SGMS2: variants seen among roughly 807,000 people sequenced by gnomAD.
The protein encoded by SGMS2 is phosphatidylcholine:ceramide cholinephosphotransferase 2.
A neutral mutation model predicts 43.8 loss-of-function variants in SGMS2; 21 were observed. The observed-to-expected ratio is 0.48, with a 90% CI of 0.34 to 0.69. The LOEUF is 0.69. Ranked by LOEUF, SGMS2 falls within the 30% of genes least tolerant of loss-of-function variation. SGMS2 has a pLI of 0.01. For missense variants in SGMS2, 384 were observed against 443.2 expected (o/e 0.87, Z 1.20); for synonymous variants, 167 against 160.6 (o/e 1.04, Z -0.30).
At chr4:107,873,991 T>G (rs1366566580) in intron 2 of SGMS2, 1 of 152,206 alleles carries the variant, frequency 6.6e-6, no homozygotes, top group Non-Finnish European at 1.5e-5. Context: ...CTTGTTCAGC[T>G]ATTCCTTTTC....
chr4:107,847,605 T>G (rs1323096702), intron 1 of SGMS2, among the ~76,000 whole-genome samples: 1 of 152,162 alleles, frequency 6.6e-6, no homozygotes, highest in African/African-American at 2.4e-5. Context: ...GGGCTGTTTT[T>G]TGGTTCCATA....
chr4:107,897,114 G>A (rs188980579), intron 3 of SGMS2, among the ~76,000 whole-genome samples: 36 of 152,174 alleles, frequency 2.4e-4, no homozygotes, highest in Admixed American at 2.2e-3. Flanking sequence ...CTCTCAATGT[G>A]GTATATCCAC....
At chr4:107,857,773 A>T (rs1727506112) in intron 1 of SGMS2, among the ~76,000 whole-genome samples, 1 of 152,234 alleles carries the variant, frequency 6.6e-6, no homozygotes, top group Non-Finnish European at 1.5e-5. Context: ...GTGACAGATT[A>T]TGCACAGCAC....
At chr4:107,834,895 T>G (rs1041757729) in intron 1 of SGMS2, among the ~76,000 whole-genome samples, 2 of 152,078 alleles carry the variant, frequency 1.3e-5, no homozygotes, top group African/African-American at 2.4e-5. Context: ...ATTAGCCAGG[T>G]GTAGTGGCAC....
chr4:107,908,544 T>C, intron 5 of SGMS2, 21 bp from the exon 6 acceptor site: 1 of 1,606,356 alleles, frequency 6.2e-7, no homozygotes, highest in Non-Finnish European at 8.5e-7. Context: ...TTATTAACTC[T>C]GTAATTTTTC....
At chr4:107,881,381 G>A (rs1316157147) in intron 2 of SGMS2, among the ~76,000 whole-genome samples, 4 of 152,104 alleles carry the variant, frequency 2.6e-5, no homozygotes, top group African/African-American at 9.7e-5. Context: ...AGGCTCCTGA[G>A]GTCAGATTCC....
At chr4:107,903,454 A>T (rs1731293843) in intron 5 of SGMS2, 68 bp downstream of exon 5, 1 of 1,455,866 alleles carries the variant, frequency 6.9e-7, no homozygotes, top group African/African-American at 1.4e-5. Context: ...CCTGAAATTG[A>T]TAGGAGCCCT....
chr4:107,852,046 A>G (rs1727177629), intron 1 of SGMS2, among the ~76,000 whole-genome samples: 1 of 151,886 alleles, frequency 6.6e-6, no homozygotes, highest in African/African-American at 2.4e-5. Flanking sequence ...GCATAATGAT[A>G]TGAAACAATG....
chr4:107,897,700 A>C lies in SGMS2; in HGVS notation c.455+1692A>C, dbSNP rs138920681. Among the ~76,000 whole-genome samples, 359 of 152,288 alleles carry C rather than the reference A, an allele frequency of 2.4e-3. 4 individuals carry two copies. Among genetic ancestry groups the C allele is most frequent in the African/African-American group, 8.2e-3 (341 of 41,574 alleles). Reference sequence around the variant, plus strand: ...CACACGGTCACATAGCCAGACCATAAATTTTAATGATATCCACTGTTTCAG... The same window carrying C: ...CACACGGTCACATAGCCAGACCATACATTTTAATGATATCCACTGTTTCAG... On this transcript the variant is annotated intron_variant, in intron 3 of 6. Transcript: ENST00000690982.
intron 2 of SGMS2, chr4:107,864,571 G>A (rs1360223176): frequency 6.6e-6 from 1 of 152,106 alleles, no homozygotes; most frequent in African/African-American, 2.4e-5. Flanking sequence ...AGTACATGAC[G>A]TTTTATTCAA....
chr4:107,892,467 C>G (rs1369274816), intron 2 of SGMS2, among the ~76,000 whole-genome samples: 3 of 152,012 alleles, frequency 2.0e-5, no homozygotes, highest in Admixed American at 6.6e-5. Flanking sequence ...AATGTGAACC[C>G]TGAAAATCTG....
chr4:107,846,945 CT>C (rs1430788135), intron 1 of SGMS2, among the ~76,000 whole-genome samples: 1 of 152,088 alleles, frequency 6.6e-6, no homozygotes, highest in Admixed American at 6.6e-5. Context: ...CCTTTGCCCA[CT>C]TTTTGATGGG....
intron 2 of SGMS2, among the ~76,000 whole-genome samples, chr4:107,882,015 G>A (rs1440822912): frequency 6.6e-6 from 1 of 152,032 alleles, no homozygotes; most frequent in East Asian, 1.9e-4. Context: ...ATCCATCAGT[G>A]GACACTTATG....
chr4:107,839,032 T>C (rs1328275946), intron 1 of SGMS2, among the ~76,000 whole-genome samples: 1 of 152,166 alleles, frequency 6.6e-6, no homozygotes, highest in Non-Finnish European at 1.5e-5. Flanking sequence ...CTTGCTTAGC[T>C]CCATTCCTTT....
rs1729633111 is a variant in SGMS2 at position 107,884,959 on chromosome 4, TATCC to T, written c.-244-10350_-244-10347del. The stretch of plus-strand genomic sequence containing the variant: ...AGGTTTTCAGGGTTCACACTATAGT[TATCC>T]TTTCCTACCAGTGTCTGGGAAAGCA... On this transcript the variant is annotated intron_variant, in intron 2 of 6. Transcript: ENST00000690982. Among the ~76,000 whole-genome samples the T allele has an allele frequency of 4.6e-5, 7 of 152,182 alleles. No individual in the cohort carries two copies. The South Asian group carries it at 1.5e-3, about 32-fold the overall frequency.
intron 1 of SGMS2, among the ~76,000 whole-genome samples, chr4:107,838,371 A>G (rs1726313251): frequency 6.6e-6 from 1 of 152,256 alleles, no homozygotes; most frequent in African/African-American, 2.4e-5. Flanking sequence ...CATCCCCTGC[A>G]GGAAACTTTC....
intron 1 of SGMS2, among the ~76,000 whole-genome samples, chr4:107,825,839 T>G (rs1001575191): frequency 1.3e-5 from 2 of 152,154 alleles, no homozygotes; most frequent in African/African-American, 4.8e-5. Context: ...ATCCACGGCT[T>G]GAAACCAACT....
chr4:107,906,947 G>A (rs71601069), intron 5 of SGMS2, among the ~76,000 whole-genome samples: 1 of 152,154 alleles, frequency 6.6e-6, no homozygotes, highest in African/African-American at 2.4e-5. Flanking sequence ...TTGGGGGTGG[G>A]AGGCGGGTAG....
At chr4:107,879,933 C>T (rs1257120618) in intron 2 of SGMS2, among the ~76,000 whole-genome samples, 1 of 152,192 alleles carries the variant, frequency 6.6e-6, no homozygotes, top group Non-Finnish European at 1.5e-5. Context: ...CTTGCAGTCA[C>T]TGCCATTCTC....
Sources: allele counts gnomAD v4.1 joint callset (sites outside exome capture counted in the v4.1 genomes callset), GRCh38; gene constraint gnomAD v4.1.1; transcripts MANE v1.5; gene names NCBI Gene and HGNC (gene_info 2026-07-23, HGNC 2026-07-21).